The following PTPRA variants were observed in gnomAD, a reference collection of about 807,000 sequenced individuals.
PTPRA encodes protein tyrosine phosphatase receptor type A, also known as receptor-type tyrosine-protein phosphatase alpha.
In PTPRA, 25 loss-of-function variants were observed where a neutral mutation model predicts 104.8. The observed-to-expected ratio is 0.24, with a 90% CI of 0.17 to 0.33. The LOEUF (loss-of-function observed/expected upper bound fraction) is 0.33, where lower values mean the gene tolerates loss of function less well. PTPRA is among the 10% of genes least tolerant of loss of function. The pLI is 1.00. For synonymous variants in PTPRA, 323 were observed against 368.9 expected, an observed-to-expected ratio of 0.88 and a Z score of 1.43; for missense variants, 765 against 1,015.3, an observed-to-expected ratio of 0.75 and a Z score of 3.35.
intron 1 of PTPRA, among the ~76,000 whole-genome samples, chr20:2,875,091 G>A (rs2089628889): frequency 6.6e-6 from 1 of 152,156 alleles, no homozygotes; most frequent in African/African-American, 2.4e-5. Context: ...TTGTCTTGTA[G>A]ATTCTTTCCA....
At chr20:2,946,228 C>T (rs1250089145) in intron 2 of PTPRA, among the ~76,000 whole-genome samples, 4 of 151,962 alleles carry the variant, frequency 2.6e-5, no homozygotes, top group Non-Finnish European at 4.4e-5. Flanking sequence ...GGGGAGGTTG[C>T]GCAGTGGGGA....
At chr20:2,896,936 A>G (rs2147053477) in intron 1 of PTPRA, among the ~76,000 whole-genome samples, 1 of 152,258 alleles carries the variant, frequency 6.6e-6, no homozygotes, top group Admixed American at 6.5e-5. Context: ...TGATCCTAAT[A>G]TTTTTGAAGA....
At chr20:2,908,611 G>A (rs144938844) in intron 1 of PTPRA, among the ~76,000 whole-genome samples, 1 of 152,050 alleles carries the variant, frequency 6.6e-6, no homozygotes, top group East Asian at 1.9e-4. Flanking sequence ...ATGACATTCA[G>A]GCTGGGTGTG....
chr20:3,018,558 C>A (rs971719568), intron 13 of PTPRA, among the ~76,000 whole-genome samples: 3 of 151,894 alleles, frequency 2.0e-5, no homozygotes, highest in African/African-American at 7.3e-5. Context: ...CACAGATCTA[C>A]AGGATCCCAA....
chr20:3,015,916 T>G (rs1327468467), intron 12 of PTPRA, 31 bp downstream of exon 12: 2 of 1,537,852 alleles, frequency 1.3e-6, no homozygotes, highest in Non-Finnish European at 1.8e-6. Flanking sequence ...TTCTGTTAGA[T>G]TTAACCATGA....
chr20:2,902,104 C>T (rs1384007482), intron 1 of PTPRA, among the ~76,000 whole-genome samples: 4 of 152,008 alleles, frequency 2.6e-5, no homozygotes, highest in Non-Finnish European at 4.4e-5. Context: ...AGGCTGGTCT[C>T]GAGCTCCTGA....
chr20:2,885,829 G>C (rs528613988), intron 1 of PTPRA, among the ~76,000 whole-genome samples: 2 of 152,222 alleles, frequency 1.3e-5, no homozygotes, highest in Non-Finnish European at 2.9e-5. Flanking sequence ...ACTTTGGGAG[G>C]CCAAGGTGGG....
chr20:2,985,455 C>A (rs2062858476), intron 6 of PTPRA, among the ~76,000 whole-genome samples: 1 of 152,250 alleles, frequency 6.6e-6, no homozygotes, highest in East Asian at 1.9e-4. Context: ...CTTGTCTTCC[C>A]TTTTAGCAGG....
chr20:2,969,166 C>T (rs2062057496), intron 5 of PTPRA, among the ~76,000 whole-genome samples: 1 of 151,572 alleles, frequency 6.6e-6, no homozygotes, highest in South Asian at 2.1e-4. Flanking sequence ...GAGTCAAGTC[C>T]CTGCACTATA....
chr20:2,970,805 CGTGTGTGT>C (rs10616041), intron 5 of PTPRA, among the ~76,000 whole-genome samples: 3 of 149,614 alleles, frequency 2.0e-5, no homozygotes, highest in Admixed American at 1.3e-4. Flanking sequence ...TCTATGGTTT[CGTGTGTGT>C]GTGTGTGTGT....
At position 2,910,161 on chromosome 20, in the gene PTPRA, TATATA is replaced by T. The variant is rs979200938; in HGVS notation, c.-128-13041_-128-13037del. Among the ~76,000 whole-genome samples the T allele has an allele frequency of 3.4e-3, 146 of 42,724 alleles. 1 individual carries two copies. The East Asian group carries it at 0.09, about 26-fold the overall frequency. 28.0% of individuals were successfully genotyped at this position (42,724 alleles called of 152,430 possible). A position where few individuals can be genotyped will look rare whatever the true frequency, so the allele number is the denominator to read the frequency against. On this transcript the variant is annotated intron_variant, in intron 1 of 23. Transcript: ENST00000399903. ...ATAACATCATATATACTATACGTCA[TATATA>T]ATATGACGTATAGTATATATGATAT...
chr20:3,026,631 C>G, intron 17 of PTPRA, 56 bp from the exon 18 acceptor site: 1 of 1,404,990 alleles, frequency 7.1e-7, no homozygotes, highest in Non-Finnish European at 1.0e-6. Flanking sequence ...CAGGCATAAT[C>G]TTGTCAAGTT....
chr20:2,924,865 G>C (rs1160919362), intron 2 of PTPRA, among the ~76,000 whole-genome samples: 1 of 152,026 alleles, frequency 6.6e-6, no homozygotes, highest in Non-Finnish European at 1.5e-5. Context: ...ATTTTTAATA[G>C]AGACAGAGTT....
At chr20:2,927,937 G>C (rs1420184143) in intron 2 of PTPRA, among the ~76,000 whole-genome samples, 1 of 152,066 alleles carries the variant, frequency 6.6e-6, no homozygotes, top group Non-Finnish European at 1.5e-5. Flanking sequence ...TTGAACCCGG[G>C]TGGTGGAGGT....
At chr20:2,932,222 A>G (rs2060532677) in intron 2 of PTPRA, among the ~76,000 whole-genome samples, 2 of 152,190 alleles carry the variant, frequency 1.3e-5, no homozygotes. Context: ...AGATTTAATC[A>G]GGAGGTTATT....
chr20:3,038,358 G>T lies in PTPRA; in HGVS notation c.*225G>T. The stretch of plus-strand genomic sequence containing the variant: ...AATTAAATAGTGTGATGTTTGGATT[G>T]ATATCGTGAAATCCTCAGCCGAGAA... On this transcript the variant is annotated 3_prime_UTR_variant, in exon 24 of 24. Coordinates refer to ENST00000399903, the MANE Select transcript of PTPRA (RefSeq NM_001385305.1). 2.2e-6 allele frequency: 1 copy of T among 448,632 alleles called. No individual in the cohort carries two copies. The highest frequency in any genetic ancestry group is 4.0e-6 in the Non-Finnish European group (1 of 251,774). 27.8% of individuals were successfully genotyped at this position (448,632 alleles called of 1,614,324 possible). A position where few individuals can be genotyped will look rare whatever the true frequency, so the allele number is the denominator to read the frequency against.
At chr20:2,923,388 A>G (rs2060168518) in intron 2 of PTPRA, 103 bp downstream of exon 2, 2 of 784,964 alleles carry the variant, frequency 2.5e-6, no homozygotes, top group Non-Finnish European at 3.5e-6. Flanking sequence ...TTCGTTTCTA[A>G]GCTGTAAGAG....
intron 1 of PTPRA, among the ~76,000 whole-genome samples, chr20:2,896,103 G>A (rs1020768232): frequency 1.6e-4 from 25 of 152,050 alleles, no homozygotes; most frequent in Non-Finnish European, 2.1e-4. Flanking sequence ...GGCTGGGCAC[G>A]GTGGCTCACA....
chr20:2,970,019 T>G (rs957723563), intron 5 of PTPRA, among the ~76,000 whole-genome samples: 1 of 150,228 alleles, frequency 6.7e-6, no homozygotes, highest in Non-Finnish European at 1.5e-5. Flanking sequence ...AGCATATATA[T>G]TCATTTTTTC....
Sources: gnomAD v4.1 joint callset for allele counts (sites outside exome capture counted in the v4.1 genomes callset) on GRCh38, gnomAD v4.1.1 for gene constraint, MANE v1.5 for transcripts, NCBI Gene and HGNC (gene_info 2026-07-23, HGNC 2026-07-21) for gene names.